The following SNX31 variants were observed in gnomAD, a reference collection of about 807,000 sequenced individuals.
SNX31 encodes sorting nexin-31.
SNX31 carries 58 observed loss-of-function variants against 65.4 expected under a neutral mutation model. The observed-to-expected ratio is 0.89, with a 90% CI of 0.72 to 1.10. The LOEUF (loss-of-function observed/expected upper bound fraction) is 1.10. SNX31 is among the 50% of genes least tolerant of loss of function. The probability of loss-of-function intolerance (pLI) is 0.00; values close to 1 mark genes in which losing one functional copy is unlikely to be tolerated. For missense variants in SNX31, 523 were observed against 529.7 expected (o/e 0.99, Z 0.12); for synonymous variants, 181 against 190.1 (o/e 0.95, Z 0.39).
In SNX31 at chr8:100,612,507, C is replaced by G. The variant is rs1816803859; in HGVS notation, c.524-420G>C. ...TACAAAAAAAAAAAACTTGTAATAT[C>G]TAGAAACATACTGTAGAGAAAACAA... On this transcript the variant is annotated intron_variant, in intron 6 of 13. Transcript: ENST00000311812. The surrounding 1 kb of genome is among the most constrained non-coding windows in gnomAD (Gnocchi z 4.3). Among the ~76,000 whole-genome samples, 1 of 151,954 alleles carries G rather than the reference C, an allele frequency of 6.6e-6. No homozygotes were observed. Among genetic ancestry groups the G allele is most frequent in the South Asian group, 2.1e-4 (1 of 4,820 alleles).
upstream of SNX31, among the ~76,000 whole-genome samples, chr8:100,650,272 A>G: frequency 6.6e-6 from 1 of 152,214 alleles, no homozygotes; most frequent in East Asian, 1.9e-4. Context: ...CCTTGCCGTG[A>G]TCACAGAGCA....
At chr8:100,632,118 G>A (rs190143798) in intron 3 of SNX31, among the ~76,000 whole-genome samples, 4 of 152,236 alleles carry the variant, frequency 2.6e-5, no homozygotes, top group Admixed American at 6.5e-5. Flanking sequence ...GGTCTGATTT[G>A]AGAACCTGTG....
chr8:100,661,425 A>G (rs529905086), intron 1 of SNX31, among the ~76,000 whole-genome samples: 2 of 152,236 alleles, frequency 1.3e-5, no homozygotes, highest in Non-Finnish European at 2.9e-5. Flanking sequence ...AGATCAAAAA[A>G]GTCCATCAAA....
At chr8:100,603,678 T>G (rs1815864432) in intron 8 of SNX31, among the ~76,000 whole-genome samples, 1 of 151,316 alleles carries the variant, frequency 6.6e-6, no homozygotes, top group Non-Finnish European at 1.5e-5. Context: ...CTCAGATACC[T>G]CGGATGATTG....
intron 4 of SNX31, chr8:100,618,452 C>T (rs1407622254): frequency 6.7e-6 from 5 of 749,300 alleles, no homozygotes; most frequent in African/African-American, 3.5e-5. Context: ...AGTTCTTGAA[C>T]ATCACAATGG....
At position 100,630,348 on chromosome 8, in the gene SNX31, C is replaced by G. The variant is rs756831683; in HGVS notation, c.300G>C (p.Glu100Asp). 1 of 1,613,224 alleles carries G rather than the reference C, an allele frequency of 6.2e-7. No individual in the cohort carries two copies. Among genetic ancestry groups the G allele is most frequent in the Admixed American group, 1.7e-5 (1 of 59,582 alleles). ...PNVLRSDVFV[E>D]FLKLAQLNTF... ...TTACCAGCTGCGCCAGTTTTAAAAA[C>G]TCAACGAAGACATCACTTCTCAACA... Residue 100 changes from glutamate to aspartate, a missense_variant, in exon 4 of 14, where the codon GAG (glutamate) becomes GAC (aspartate). Coordinates refer to ENST00000311812, the MANE Select transcript of SNX31 (RefSeq NM_152628.4). This position sits in a 1 kb window ranked among gnomAD's most constrained non-coding sequence, Gnocchi z 5.3.
At chr8:100,655,851 T>C (rs970658661) in intron 1 of SNX31, among the ~76,000 whole-genome samples, 2 of 152,140 alleles carry the variant, frequency 1.3e-5, no homozygotes, top group African/African-American at 2.4e-5. Context: ...GTGGACAGCA[T>C]GTGTTCTAGA....
rs757968591 is a variant in SNX31 at position 100,573,857 on chromosome 8, A to G, written c.*8T>C. On this transcript the variant is annotated 3_prime_UTR_variant, in exon 14 of 14. Coordinates refer to ENST00000311812, the MANE Select transcript of SNX31 (RefSeq NM_152628.4). ...CTCCAAGGATATTTTAAAATATGAGAGCTTTCTTCAGAGATCTTCTTCCTT... is the reference window on the plus strand; with the variant it reads ...CTCCAAGGATATTTTAAAATATGAGGGCTTTCTTCAGAGATCTTCTTCCTT... The G allele has an allele frequency of 3.7e-5, 57 of 1,547,354 alleles. No individual in the cohort carries two copies. Among genetic ancestry groups the G allele is most frequent in the Middle Eastern group, 3.4e-4 (2 of 5,926 alleles).
intron 3 of SNX31, among the ~76,000 whole-genome samples, chr8:100,635,222 T>TTTTATTTATTTATTTATTTA (rs140014187): frequency 0.011 from 1,711 of 149,750 alleles, 16 homozygotes; most frequent in African/African-American, 0.016. Context: ...ACCTCATCTC[T>TTTTATTTATTTATTTATTTA]TTTATTTATT....
In SNX31 at chr8:100,641,593, T is replaced by C. The variant is rs1471010066; in HGVS notation, c.142-5582A>G. Among the ~76,000 whole-genome samples the C allele has an allele frequency of 1.9e-3, 42 of 22,126 alleles. 2 individuals are homozygous for C. Among genetic ancestry groups the C allele is most frequent in the African/African-American group, 0.011 (34 of 3,054 alleles). 14.5% of individuals were successfully genotyped at this position (22,126 alleles called of 152,430 possible). On this transcript the variant is annotated intron_variant, in intron 2 of 13. Transcript: ENST00000311812. ...ATATATATATATATATATATATATA[T>C]ATACACATACACACACACACGCACA...
intron 2 of SNX31, among the ~76,000 whole-genome samples, chr8:100,642,190 C>G (rs1197672492): frequency 6.6e-6 from 1 of 152,206 alleles, no homozygotes; most frequent in Non-Finnish European, 1.5e-5. Context: ...GGAGCATTAT[C>G]CCAGGCAGGG....
intron 2 of SNX31, among the ~76,000 whole-genome samples, chr8:100,644,766 G>T (rs1033400573): frequency 3.3e-5 from 5 of 152,262 alleles, no homozygotes; most frequent in African/African-American, 1.2e-4. Flanking sequence ...CTGGGTTCAA[G>T]CAATTCTCGT....
intron 12 of SNX31, among the ~76,000 whole-genome samples, chr8:100,581,337 C>CTATATATATATATATA (rs57664831): frequency 1.6e-5 from 2 of 125,466 alleles, no homozygotes; most frequent in African/African-American, 6.2e-5. Flanking sequence ...ATCTATCTAT[C>CTATATATATATATATA]TATATATATA....
intron 4 of SNX31, among the ~76,000 whole-genome samples, chr8:100,623,271 T>G (rs887492268): frequency 6.6e-6 from 1 of 152,194 alleles, no homozygotes; most frequent in East Asian, 1.9e-4. Flanking sequence ...TCATGAGAAC[T>G]CACTCACTGT....
At chr8:100,574,146 C>T (rs1456265391) in intron 13 of SNX31, among the ~76,000 whole-genome samples, 186 bp from the exon 14 acceptor site, 1 of 152,170 alleles carries the variant, frequency 6.6e-6, no homozygotes, top group East Asian at 1.9e-4. Flanking sequence ...TAAATACACT[C>T]GTTAGGACTG....
At position 100,619,576 on chromosome 8, in the gene SNX31, C is replaced by T. The variant is rs372684140; in HGVS notation, c.322-1846G>A. 2.0e-5 allele frequency among the ~76,000 whole-genome samples: 3 copies of T among 152,212 alleles called. No homozygotes were observed. The South Asian group carries it at 6.2e-4, about 32-fold the overall frequency. ...AGCTGCTATAGGGAGAGGGAGGACA[C>T]CAGGAGGAAGCAGGATCCAGAGAGG... On this transcript the variant is annotated intron_variant, in intron 4 of 13. Transcript: ENST00000311812.
intron 12 of SNX31, among the ~76,000 whole-genome samples, chr8:100,581,760 C>T (rs1232787594): frequency 6.6e-6 from 1 of 152,098 alleles, no homozygotes; most frequent in Non-Finnish European, 1.5e-5. Context: ...GTGTGTTTCC[C>T]TGGAAAACAA....
At chr8:100,649,406 C>T (rs12681977) in intron 1 of SNX31, 43 bp downstream of exon 1, 540,038 of 1,600,750 alleles carry the variant, frequency 0.34, 95,541 homozygotes, top group African/African-American at 0.51. Context: ...AGCATTGCCA[C>T]CGGCCCCCTC....
chr8:100,629,866 T>C lies in SNX31; in HGVS notation c.321+461A>G, dbSNP rs1047433951. The stretch of plus-strand genomic sequence containing the variant: ...AATTTTCTCCATGATTCATTTACAA[T>C]AAAGGTAGGAGTAGAGAATATACAA... On this transcript the variant is annotated intron_variant, in intron 4 of 13. Coordinates refer to ENST00000311812, the MANE Select transcript of SNX31 (RefSeq NM_152628.4). The surrounding 1 kb of genome is among the most constrained non-coding windows in gnomAD (Gnocchi z 5.1). Among the ~76,000 whole-genome samples the C allele has an allele frequency of 1.3e-5, 2 of 152,226 alleles. No individual in the cohort carries two copies. Among genetic ancestry groups the C allele is most frequent in the African/African-American group, 2.4e-5 (1 of 41,458 alleles).
Sources: gnomAD v4.1 joint callset for allele counts (sites outside exome capture counted in the v4.1 genomes callset) on GRCh38, gnomAD v4.1.1 for gene constraint, Gnocchi (gnomAD v3.1) non-coding constraint, MANE v1.5 for transcripts, NCBI Gene and HGNC (gene_info 2026-07-23, HGNC 2026-07-21) for gene names.